FTCDNL1: variants seen among roughly 807,000 people sequenced by gnomAD.
The protein encoded by FTCDNL1 is formiminotransferase N-terminal subdomain-containing protein.
FTCDNL1 carries 11 observed loss-of-function variants against 5.9 expected under a neutral mutation model. The ratio of observed to expected loss-of-function variants is 1.87; its 90% CI spans 1.18 to 3.10. The LOEUF (loss-of-function observed/expected upper bound fraction) is 3.10. Among genes scored for constraint, FTCDNL1 ranks in the 30% most tolerant of loss-of-function variants. The probability of loss-of-function intolerance (pLI) is 0.00; values close to 1 mark genes in which losing one functional copy is unlikely to be tolerated. For missense variants in FTCDNL1, 115 were observed against 65.5 expected (o/e 1.76, Z -2.61); for synonymous variants, 58 against 24.8 (o/e 2.34, Z -3.99).
rs140110676 is a variant in FTCDNL1, at chr2:199,793,522, C to T, written c.212-32687G>A. ...GTTTGGTGCAGTCCGTTTATATAGA[C>T]ATTTTTCCCTTATGAATTTTCACAA... is the stretch of plus-strand genomic sequence containing the variant. On this transcript the variant is annotated intron_variant, in intron 3 of 3. Transcript: ENST00000416668. Among the ~76,000 whole-genome samples the T allele has an allele frequency of 2.8e-3, 383 of 138,170 alleles. 5 individuals are homozygous for T. The highest frequency in any genetic ancestry group is 9.2e-3 in the African/African-American group (361 of 39,306). The allele number at this position is 138,170 out of a possible 152,430, so 90.6% of individuals were successfully genotyped here. A position where few individuals can be genotyped will look rare whatever the true frequency, so the allele number is the denominator to read the frequency against.
chr2:199,836,551 T>C (rs982553961), intron 3 of FTCDNL1, among the ~76,000 whole-genome samples: 4 of 152,088 alleles, frequency 2.6e-5, no homozygotes, highest in African/African-American at 9.7e-5. Context: ...GCAGATCCCT[T>C]GAGCCTAGGA....
At chr2:199,842,938 C>CAAA (rs34781142) in intron 3 of FTCDNL1, among the ~76,000 whole-genome samples, 6 of 104,500 alleles carry the variant, frequency 5.7e-5, no homozygotes, top group Non-Finnish European at 9.4e-5. Flanking sequence ...CATGCTGTTA[C>CAAA]AAAAAAAAAA....
At chr2:199,789,642 G>T (rs1189648650) in intron 3 of FTCDNL1, among the ~76,000 whole-genome samples, 1 of 151,996 alleles carries the variant, frequency 6.6e-6, no homozygotes, top group Admixed American at 6.6e-5. Context: ...GCTTGCATAA[G>T]AATTGAAAAT....
chr2:199,846,395 T>C (rs1040680273), intron 2 of FTCDNL1, among the ~76,000 whole-genome samples: 10 of 152,206 alleles, frequency 6.6e-5, no homozygotes, highest in African/African-American at 2.4e-4. Flanking sequence ...AAGCTTTTGA[T>C]GTCTATAAGA....
intron 3 of FTCDNL1, among the ~76,000 whole-genome samples, chr2:199,830,417 G>C (rs1702294848): frequency 6.6e-6 from 1 of 152,136 alleles, no homozygotes; most frequent in Non-Finnish European, 1.5e-5. Context: ...TCTATGAAAG[G>C]GGGGTGGTGG....
the FTCDNL1 span, among the ~76,000 whole-genome samples, chr2:199,749,543 TA>T: frequency 0.78 from 116,738 of 149,724 alleles, 48,017 homozygotes; most frequent in South Asian, 0.96. Context: ...CATCTCCCCC[TA>T]AAAAAAAAAA....
chr2:199,728,778 T>C, the FTCDNL1 span, among the ~76,000 whole-genome samples: 2 of 152,206 alleles, frequency 1.3e-5, no homozygotes, highest in Admixed American at 1.3e-4. Context: ...CCACAAGTCA[T>C]TTGCTTCCTT....
chr2:199,764,408 C>T (rs751838495), intron 3 of FTCDNL1, among the ~76,000 whole-genome samples: 4 of 152,180 alleles, frequency 2.6e-5, no homozygotes, highest in Admixed American at 6.5e-5. Flanking sequence ...CCAGGAAGCC[C>T]GGCTCTGGGG....
chr2:199,707,775 T>C, the FTCDNL1 span, among the ~76,000 whole-genome samples: 1 of 152,120 alleles, frequency 6.6e-6, no homozygotes, highest in Non-Finnish European at 1.5e-5. Context: ...CCATTGTCTT[T>C]TGACTTACAT....
chr2:199,747,156 G>A, the FTCDNL1 span, among the ~76,000 whole-genome samples: 1 of 151,884 alleles, frequency 6.6e-6, no homozygotes, highest in Non-Finnish European at 1.5e-5. Context: ...AAATGAATCA[G>A]GAACATGTGG....
the FTCDNL1 span, among the ~76,000 whole-genome samples, chr2:199,700,382 C>A: frequency 6.6e-6 from 1 of 152,116 alleles, no homozygotes; most frequent in Non-Finnish European, 1.5e-5. Context: ...CAAAACACTG[C>A]TCAAAGAAAT....
chr2:199,736,423 G>A, the FTCDNL1 span, among the ~76,000 whole-genome samples: 1 of 152,284 alleles, frequency 6.6e-6, no homozygotes, highest in Non-Finnish European at 1.5e-5. Flanking sequence ...GGGGATGCCT[G>A]ACTTGCTTGT....
chr2:199,767,168 T>C lies in FTCDNL1; in HGVS notation c.212-6333A>G, dbSNP rs535694676. Among the ~76,000 whole-genome samples the C allele has an allele frequency of 5.8e-4, 88 of 152,366 alleles. 1 individual carries two copies. The highest frequency in any genetic ancestry group is 1.0e-3 in the Non-Finnish European group (70 of 68,042). On this transcript the variant is annotated intron_variant, in intron 3 of 3. Coordinates refer to the FTCDNL1 transcript ENST00000416668. ...TCTAAGTAAAGTGCCAAATAATCTT[T>C]TAGAAAACAAAAAGATTCTTGAAAA... is the stretch of plus-strand genomic sequence containing the variant.
intron 4 of FTCDNL1, among the ~76,000 whole-genome samples, chr2:199,816,665 C>G (rs1388405830): frequency 6.6e-6 from 1 of 152,160 alleles, no homozygotes; most frequent in African/African-American, 2.4e-5. Flanking sequence ...AAACTCTCCT[C>G]CACATCTCCA....
chr2:199,839,962 G>T (rs2076538410), intron 3 of FTCDNL1, among the ~76,000 whole-genome samples: 1 of 152,054 alleles, frequency 6.6e-6, no homozygotes, highest in Non-Finnish European at 1.5e-5. Context: ...AACCAAGAAA[G>T]TCAAAAAAGA....
At chr2:199,695,900 A>G in the FTCDNL1 span, among the ~76,000 whole-genome samples, 12 of 152,190 alleles carry the variant, frequency 7.9e-5, no homozygotes, top group Non-Finnish European at 1.6e-4. Context: ...ACTGGACAGA[A>G]CAGGGCTATC....
intron 3 of FTCDNL1, 89 bp from the exon 4 acceptor site, chr2:199,819,846 C>T (rs112287893): frequency 3.1e-6 from 2 of 637,080 alleles, no homozygotes; most frequent in African/African-American, 1.8e-5. Context: ...TGTGGTAAAA[C>T]ATATTTAACA....
At chr2:199,748,111 CAA>C in the FTCDNL1 span, among the ~76,000 whole-genome samples, 13 of 151,968 alleles carry the variant, frequency 8.6e-5, no homozygotes, top group Non-Finnish European at 5.9e-5. Context: ...AAAGTAGGGT[CAA>C]AGAGAGCAGT....
At chr2:199,718,243 A>G in the FTCDNL1 span, among the ~76,000 whole-genome samples, 2 of 152,034 alleles carry the variant, frequency 1.3e-5, no homozygotes, top group Non-Finnish European at 2.9e-5. Flanking sequence ...TGTAGTGTCC[A>G]ATGTCCACTA....
Sources: allele counts gnomAD v4.1 joint callset (sites outside exome capture counted in the v4.1 genomes callset), GRCh38; gene constraint gnomAD v4.1.1; transcripts MANE v1.5; gene names NCBI Gene and HGNC (gene_info 2026-07-23, HGNC 2026-07-21).